The following ADD3 variants were observed in gnomAD, a reference collection of about 807,000 sequenced individuals.
ADD3 encodes the protein gamma-adducin.
Under a neutral mutation model 80.2 loss-of-function variants are expected in ADD3, and 25 were observed. The ratio of observed to expected loss-of-function variants is 0.31; its 90% confidence interval spans 0.23 to 0.44. ADD3 has a LOEUF of 0.44. ADD3 is among the 20% of genes least tolerant of loss of function. ADD3 has a pLI of 1.00. For synonymous variants in ADD3, 284 were observed against 289.6 expected (o/e 0.98, Z 0.20); for missense variants, 829 against 847.5 (o/e 0.98, Z 0.27).
At chr10:110,031,635 G>A (rs556341497) in intron 1 of ADD3, among the ~76,000 whole-genome samples, 2 of 151,914 alleles carry the variant, frequency 1.3e-5, no homozygotes, top group East Asian at 3.9e-4. Flanking sequence ...TCAGTACTTA[G>A]GATCCTTAAG....
rs536562163 is a variant in ADD3 at position 110,018,077 on chromosome 10, A to T, written c.-30+9778A>T. Among the ~76,000 whole-genome samples the T allele has an allele frequency of 3.3e-5, 5 of 152,336 alleles. No homozygotes were observed. The East Asian group carries it at 9.7e-4, about 29-fold the overall frequency. Reference sequence around the variant, plus strand: ...AGAAAATCCCCATAAGCTATGAGATACATCACTCCTTGAGACTCAGACTTT... The same window carrying T: ...AGAAAATCCCCATAAGCTATGAGATTCATCACTCCTTGAGACTCAGACTTT... On this transcript the variant is annotated intron_variant, in intron 1 of 14. Transcript: ENST00000356080.
intron 1 of ADD3, among the ~76,000 whole-genome samples, chr10:110,014,668 C>T (rs1052915689): frequency 1.3e-5 from 2 of 152,098 alleles, no homozygotes; most frequent in South Asian, 2.1e-4. Flanking sequence ...TCTGGGATTA[C>T]AGGCATACGC....
At chr10:110,029,466 AAGG>A (rs1854729465) in intron 1 of ADD3, among the ~76,000 whole-genome samples, 1 of 152,238 alleles carries the variant, frequency 6.6e-6, no homozygotes, top group South Asian at 2.1e-4. Flanking sequence ...TGAATCTGTT[AAGG>A]AGAAGTCCTC....
upstream of ADD3, among the ~76,000 whole-genome samples, chr10:110,003,302 G>GGGGGGTGTGTGTGTGT (rs140966434): frequency 4.8e-5 from 7 of 147,030 alleles, no homozygotes; most frequent in African/African-American, 1.8e-4. Context: ...GAACAGTAAG[G>GGGGGGTGTGTGTGTGT]GTGTGTGTGT....
intron 13 of ADD3, among the ~76,000 whole-genome samples, 156 bp from the exon 14 acceptor site, chr10:110,132,149 T>C (rs570146061): frequency 5.9e-5 from 9 of 152,368 alleles, no homozygotes; most frequent in East Asian, 1.9e-4. Flanking sequence ...TGTATAATTA[T>C]GGATATATGG....
At chr10:110,111,612 T>C (rs1263302940) in intron 2 of ADD3, among the ~76,000 whole-genome samples, 1 of 152,016 alleles carries the variant, frequency 6.6e-6, no homozygotes, top group Non-Finnish European at 1.5e-5. Flanking sequence ...GAACCCAACG[T>C]TCCATTAAAA....
At chr10:110,113,198 AGC>A (rs1850271306) in intron 3 of ADD3, among the ~76,000 whole-genome samples, 1 of 152,138 alleles carries the variant, frequency 6.6e-6, no homozygotes, top group Non-Finnish European at 1.5e-5. Context: ...GAAATGCTTG[AGC>A]CCAGGAGTTC....
At chr10:110,017,249 A>G (rs575860527) in intron 1 of ADD3, among the ~76,000 whole-genome samples, 5 of 152,144 alleles carry the variant, frequency 3.3e-5, no homozygotes, top group Non-Finnish European at 1.5e-5. Flanking sequence ...TTAGAATGAT[A>G]TTTCTGCCTT....
intron 1 of ADD3, among the ~76,000 whole-genome samples, chr10:110,084,520 G>A (rs1056259046): frequency 1.3e-5 from 2 of 152,170 alleles, no homozygotes; most frequent in African/African-American, 4.8e-5. Context: ...ACAGTCTTAT[G>A]TATCTCATTC....
At chr10:110,094,191 A>G (rs1847887485) in intron 1 of ADD3, among the ~76,000 whole-genome samples, 2 of 152,196 alleles carry the variant, frequency 1.3e-5, no homozygotes, top group Admixed American at 1.3e-4. Context: ...TGGTATTTAT[A>G]AAATACATCC....
At chr10:110,128,808 G>T (rs896592370) in intron 12 of ADD3, among the ~76,000 whole-genome samples, 5 of 152,052 alleles carry the variant, frequency 3.3e-5, no homozygotes, top group African/African-American at 1.2e-4. Flanking sequence ...TGCTCTAAGG[G>T]TATCAATTTT....
At chr10:110,083,510 C>A (rs1477533676) in intron 1 of ADD3, among the ~76,000 whole-genome samples, 1 of 149,098 alleles carries the variant, frequency 6.7e-6, no homozygotes, top group South Asian at 2.1e-4. Flanking sequence ...AGCAAGACTC[C>A]GTCTCAAAAA....
At chr10:110,002,951 C>T (rs1851514802), upstream of ADD3, among the ~76,000 whole-genome samples, 1 of 152,128 alleles carries the variant, frequency 6.6e-6, no homozygotes, top group South Asian at 2.1e-4. Context: ...ATGGAGAACT[C>T]ATTAGCATGA....
intron 1 of ADD3, among the ~76,000 whole-genome samples, chr10:110,077,731 G>C (rs561740842): frequency 2.0e-3 from 304 of 152,122 alleles, no homozygotes; most frequent in Non-Finnish European, 3.4e-3. Flanking sequence ...AACTATAGGA[G>C]AATTATTGTT....
At chr10:110,044,857 T>C (rs1287291671) in intron 1 of ADD3, among the ~76,000 whole-genome samples, 1 of 152,226 alleles carries the variant, frequency 6.6e-6, no homozygotes, top group African/African-American at 2.4e-5. Flanking sequence ...TAAAACTATG[T>C]GTATAACTAT....
chr10:110,058,353 A>T (rs572127314), intron 1 of ADD3, among the ~76,000 whole-genome samples: 1 of 152,220 alleles, frequency 6.6e-6, no homozygotes, highest in African/African-American at 2.4e-5. Flanking sequence ...CTGTTGATAA[A>T]CTGTGGAGCC....
upstream of ADD3, among the ~76,000 whole-genome samples, chr10:110,002,614 A>ATGT (rs1322978361): frequency 4.6e-5 from 7 of 152,076 alleles, no homozygotes; most frequent in African/African-American, 1.7e-4. Flanking sequence ...ATGAGTCTTT[A>ATGT]TGTTCTACAT....
intron 2 of ADD3, among the ~76,000 whole-genome samples, chr10:110,112,513 A>G (rs1850175240): frequency 6.6e-6 from 1 of 152,044 alleles, no homozygotes; most frequent in Admixed American, 6.5e-5. Flanking sequence ...GAGGAGTTTT[A>G]TCTGTGCCTG....
At chr10:110,006,861 G>C (rs1470573078), upstream of ADD3, among the ~76,000 whole-genome samples, 1 of 152,034 alleles carries the variant, frequency 6.6e-6, no homozygotes, top group Non-Finnish European at 1.5e-5. Flanking sequence ...AACGAAGGGG[G>C]ATAAGGGTGG....
Sources: gnomAD v4.1 joint callset for allele counts (sites outside exome capture counted in the v4.1 genomes callset) on GRCh38, gnomAD v4.1.1 for gene constraint, MANE v1.5 for transcripts, NCBI Gene and HGNC (gene_info 2026-07-23, HGNC 2026-07-21) for gene names.